The following PDIA5 variants were observed in gnomAD, a reference collection of about 807,000 sequenced individuals.
The protein encoded by PDIA5 is protein disulfide isomerase family A member 5.
A neutral mutation model predicts 77.6 loss-of-function variants in PDIA5; 58 were observed. The observed-to-expected ratio is 0.75, with a 90% confidence interval of 0.61 to 0.93. The LOEUF (loss-of-function observed/expected upper bound fraction) is 0.93, where lower values mean the gene tolerates loss of function less well. Ranked by LOEUF, PDIA5 falls within the 40% of genes least tolerant of loss-of-function variation. The probability of loss-of-function intolerance (pLI) is 0.00; values close to 1 mark genes in which losing one functional copy is unlikely to be tolerated. For synonymous variants in PDIA5, 250 were observed against 252.1 expected (o/e 0.99, Z 0.08); for missense variants, 630 against 647.7 (o/e 0.97, Z 0.30).
chr3:123,108,546 C>T (rs1311762665), intron 6 of PDIA5, among the ~76,000 whole-genome samples: 1 of 146,224 alleles, frequency 6.8e-6, no homozygotes, highest in Non-Finnish European at 1.5e-5. Context: ...TCCCAAAGTA[C>T]TGAGATTACA....
At chr3:123,125,237 G>A (rs945541918) in intron 10 of PDIA5, among the ~76,000 whole-genome samples, 1 of 152,254 alleles carries the variant, frequency 6.6e-6, no homozygotes, top group Non-Finnish European at 1.5e-5. Flanking sequence ...TTGTGCATAT[G>A]TGCTGGAGTA....
intron 5 of PDIA5, among the ~76,000 whole-genome samples, 172 bp downstream of exon 5, chr3:123,102,968 G>T (rs1934639965): frequency 6.6e-6 from 1 of 152,256 alleles, no homozygotes; most frequent in Non-Finnish European, 1.5e-5. Flanking sequence ...GGAAAAGTTT[G>T]TAGCTCTTAA....
At chr3:123,120,419 C>G (rs1387063896) in intron 8 of PDIA5, among the ~76,000 whole-genome samples, 2 of 152,192 alleles carry the variant, frequency 1.3e-5, no homozygotes, top group African/African-American at 4.8e-5. Flanking sequence ...CCCTGTACCC[C>G]ACAGAGCACT....
At chr3:123,089,831 C>A (rs192734807) in intron 2 of PDIA5, among the ~76,000 whole-genome samples, 3 of 152,368 alleles carry the variant, frequency 2.0e-5, no homozygotes, top group Admixed American at 2.0e-4. Context: ...AAGCTTGGGT[C>A]ACAGCATTTC....
At chr3:123,145,990 A>G in intron 12 of PDIA5, 109 bp from the exon 13 acceptor site, 2 of 1,027,850 alleles carry the variant, frequency 1.9e-6, no homozygotes, top group South Asian at 3.1e-5. Context: ...CACCCCAGTT[A>G]AATTCCAGCA....
chr3:123,148,674 C>T (rs1935820906), intron 13 of PDIA5, among the ~76,000 whole-genome samples: 1 of 152,176 alleles, frequency 6.6e-6, no homozygotes, highest in South Asian at 2.1e-4. Context: ...TTGCAGAATG[C>T]TCTCCTATCT....
chr3:123,074,569 A>AAGCTTGATAACTTCTATAATTTT lies in PDIA5; in HGVS notation c.42+7365_42+7387dup, dbSNP rs1933802237. 7.9e-5 allele frequency among the ~76,000 whole-genome samples: 12 copies of AAGCTTGATAACTTCTATAATTTT among 152,368 alleles called. No homozygotes were observed. The South Asian group carries it at 2.5e-3, about 32-fold the overall frequency. ...CATCATATAAAAAGATCAAAGGTAC[A>AAGCTTGATAACTTCTATAATTTT]AGCTTGATAACTTCTATAATTTTAA... On this transcript the variant is annotated intron_variant, in intron 1 of 16. Transcript: ENST00000316218.
intron 10 of PDIA5, among the ~76,000 whole-genome samples, chr3:123,130,156 G>T (rs1229910530): frequency 3.3e-5 from 5 of 152,238 alleles, no homozygotes; most frequent in African/African-American, 9.6e-5. Flanking sequence ...GAAATAGGTT[G>T]AGAAAGCTAA....
In PDIA5 at chr3:123,075,681, G is replaced by A. The variant is rs1393750052; in HGVS notation, c.42+8475G>A. On this transcript the variant is annotated intron_variant, in intron 1 of 16. Transcript: ENST00000316218. ...GTGAGTGGAGAGGGGAGTGATATGGGGTCCAGAGAGAGAGTTTTTAAAAGA... is the reference window on the plus strand; with the variant it reads ...GTGAGTGGAGAGGGGAGTGATATGGAGTCCAGAGAGAGAGTTTTTAAAAGA... 2.0e-5 allele frequency among the ~76,000 whole-genome samples: 3 copies of A among 152,012 alleles called. No individual in the cohort carries two copies. In the East Asian group the frequency reaches 5.8e-4, roughly 29 times the overall value.
rs1165219489 is a variant in PDIA5 at position 123,067,409 on chromosome 3, C to T, written c.42+203C>T. On this transcript the variant is annotated intron_variant, in intron 1 of 16. Transcript: ENST00000316218. The stretch of plus-strand genomic sequence containing the variant: ...CGGTGCCCTCGCCGCCAAGCGCTCC[C>T]GGACGCAGGGGCAGGAGGCAGCTGT... The T allele has an allele frequency of 6.7e-5, 29 of 433,366 alleles. No homozygotes were observed. In the East Asian group the frequency reaches 1.0e-3, roughly 15 times the overall value. The allele number at this position is 433,366 out of a possible 1,614,324, so 26.8% of individuals were successfully genotyped here.
chr3:123,090,648 T>C lies in PDIA5; in HGVS notation c.169+1354T>C, dbSNP rs949267936. On this transcript the variant is annotated intron_variant, in intron 2 of 16. Transcript: ENST00000316218. Reference sequence around the variant, plus strand: ...GAGGATGGGAAGAGAGTATTGATTCTGCAATGACAGAAGGGCTTTGAGATC... The same window carrying C: ...GAGGATGGGAAGAGAGTATTGATTCCGCAATGACAGAAGGGCTTTGAGATC... Among the ~76,000 whole-genome samples the C allele has an allele frequency of 2.0e-5, 3 of 152,214 alleles. No homozygotes were observed. The South Asian group carries it at 6.2e-4, about 32-fold the overall frequency.
At chr3:123,116,040 A>T (rs836839) in intron 7 of PDIA5, among the ~76,000 whole-genome samples, 191 bp from the exon 8 acceptor site, 114,019 of 152,192 alleles carry the variant, frequency 0.75, 43,107 homozygotes, top group Non-Finnish European at 0.8. Flanking sequence ...CCACTGATAC[A>T]GTAAGCTCTT....
intron 1 of PDIA5, among the ~76,000 whole-genome samples, chr3:123,068,205 A>AC (rs1933629765): frequency 6.6e-6 from 1 of 151,464 alleles, no homozygotes. Context: ...TGTTCCTGGC[A>AC]CCCTCCCCCC....
rs75286797 is a variant in PDIA5, at chr3:123,158,353, C to T, written c.1345-2968C>T. Among the ~76,000 whole-genome samples, 1,435 of 152,216 alleles carry T rather than the reference C, an allele frequency of 9.4e-3. 27 individuals are homozygous for T. The highest frequency in any genetic ancestry group is 0.032 in the African/African-American group (1,338 of 41,502). On this transcript the variant is annotated intron_variant, in intron 15 of 16. Transcript: ENST00000316218. ...AGCTGGAGAGGGGCAGAGTGAGAAT[C>T]GCAAACAGGCATTGTCAGAGTTTGA...
At chr3:123,153,576 G>A (rs1261492785) in intron 14 of PDIA5, among the ~76,000 whole-genome samples, 5 of 152,154 alleles carry the variant, frequency 3.3e-5, no homozygotes, top group Non-Finnish European at 7.3e-5. Flanking sequence ...AGCTGTGCTT[G>A]TCTCATTTCT....
intron 8 of PDIA5, among the ~76,000 whole-genome samples, chr3:123,122,495 T>G (rs746495352): frequency 5.9e-5 from 9 of 151,794 alleles, no homozygotes; most frequent in Non-Finnish European, 1.3e-4. Context: ...TTGCTGTATG[T>G]GAGGCCTTGT....
intron 1 of PDIA5, among the ~76,000 whole-genome samples, chr3:123,069,910 T>G (rs1933680112): frequency 6.6e-6 from 1 of 151,888 alleles, no homozygotes; most frequent in African/African-American, 2.4e-5. Context: ...GCCAACATGG[T>G]GAAACCCCGT....
At chr3:123,160,135 G>T (rs1023940307) in intron 15 of PDIA5, among the ~76,000 whole-genome samples, 40 of 152,186 alleles carry the variant, frequency 2.6e-4, no homozygotes, top group African/African-American at 9.7e-4. Flanking sequence ...TCTAGAACAG[G>T]CTTGGCACAC....
intron 13 of PDIA5, among the ~76,000 whole-genome samples, chr3:123,146,624 T>C (rs1277500068): frequency 6.6e-6 from 1 of 152,208 alleles, no homozygotes; most frequent in Non-Finnish European, 1.5e-5. Context: ...CGTCCAGGTT[T>C]GCTAGTGGTT....
Sources: gnomAD v4.1 joint callset for allele counts (sites outside exome capture counted in the v4.1 genomes callset) on GRCh38, gnomAD v4.1.1 for gene constraint, MANE v1.5 for transcripts, NCBI Gene and HGNC (gene_info 2026-07-23, HGNC 2026-07-21) for gene names.